The following PPP3CB variants were observed in gnomAD, a reference collection of about 807,000 sequenced individuals.
PPP3CB encodes the protein serine/threonine-protein phosphatase 2B catalytic subunit beta isoform.
Under a neutral mutation model 66.4 loss-of-function variants are expected in PPP3CB, and 8 were observed. That is an observed-to-expected ratio of 0.12 (90% CI 0.07 to 0.22). PPP3CB has a LOEUF of 0.22. Among genes scored for constraint, PPP3CB ranks in the 10% least tolerant of loss-of-function variants. The pLI is 1.00. For synonymous variants in PPP3CB, 208 were observed against 221.2 expected, an observed-to-expected ratio of 0.94 and a Z score of 0.53; for missense variants, 319 against 642.5, an observed-to-expected ratio of 0.50 and a Z score of 5.44.
At chr10:73,454,185 T>C (rs2056388768) in intron 10 of PPP3CB, among the ~76,000 whole-genome samples, 1 of 152,188 alleles carries the variant, frequency 6.6e-6, no homozygotes, top group South Asian at 2.1e-4. Flanking sequence ...TCTTCCAAAT[T>C]TCTCCTTTCC....
At chr10:73,454,934 G>A (rs538197672) in intron 9 of PPP3CB, among the ~76,000 whole-genome samples, 5 of 151,708 alleles carry the variant, frequency 3.3e-5, no homozygotes, top group African/African-American at 1.2e-4. Flanking sequence ...GTGCAGTGGC[G>A]TGATCTCGGC....
chr10:73,493,866 C>T (rs1408459478), intron 1 of PPP3CB, among the ~76,000 whole-genome samples: 1 of 152,174 alleles, frequency 6.6e-6, no homozygotes, highest in Admixed American at 6.5e-5. Context: ...TCACAACTCA[C>T]CCCTAAGGAA....
At chr10:73,448,770 A>C (rs1208083100) in intron 10 of PPP3CB, 7 of 531,580 alleles carry the variant, frequency 1.3e-5, no homozygotes, top group Admixed American at 1.9e-5. Flanking sequence ...TAGAGATTTA[A>C]CTTGGCAGTG....
Position 73,474,991 on chromosome 10 carries a change from T to C in PPP3CB, c.451A>G (p.Ser151Gly). 9 of 1,614,094 alleles carry C rather than the reference T, an allele frequency of 5.6e-6. No individual in the cohort carries two copies. The highest frequency in any genetic ancestry group is 7.6e-6 in the Non-Finnish European group (9 of 1,180,006). The change falls in exon 4 of 14, where the codon AGC (serine) becomes GGC (glycine). Residue 151 changes from serine to glycine, a missense_variant. Coordinates refer to ENST00000360663, the MANE Select transcript of PPP3CB (RefSeq NM_021132.4). ...YLWVLKILYP[S>G]TLFLLRGNHE... The stretch of plus-strand genomic sequence containing the variant: ...TTGCCTCTCAGAAGAAATAATGTGC[T>C]TGGGTATAGAATCTTCAGAACCCAT...
intron 9 of PPP3CB, 116 bp from the exon 10 acceptor site, chr10:73,454,605 T>A (rs373432316): frequency 1.2e-4 from 70 of 568,840 alleles, no homozygotes; most frequent in African/African-American, 1.2e-3. Context: ...AGCAAACACA[T>A]TCTTATACCA....
intron 1 of PPP3CB, among the ~76,000 whole-genome samples, chr10:73,490,345 T>C (rs186767334): frequency 1.2e-3 from 182 of 152,352 alleles, no homozygotes; most frequent in Non-Finnish European, 1.2e-3. Context: ...TTTTCATGAA[T>C]ATTTATTCAT....
At chr10:73,459,923 A>AT (rs1413671497) in intron 9 of PPP3CB, among the ~76,000 whole-genome samples, 2 of 152,180 alleles carry the variant, frequency 1.3e-5, no homozygotes, top group Non-Finnish European at 2.9e-5. Flanking sequence ...AAAACATGGA[A>AT]TTGTACAATT....
intron 1 of PPP3CB, among the ~76,000 whole-genome samples, chr10:73,487,564 C>CAA (rs746889105): frequency 0.015 from 994 of 65,158 alleles, 9 homozygotes; most frequent in East Asian, 0.076. Flanking sequence ...AAACCAAAAC[C>CAA]AAAAAAAAAA....
At chr10:73,439,075 C>T (rs1290754719) in intron 13 of PPP3CB, among the ~76,000 whole-genome samples, 1 of 152,150 alleles carries the variant, frequency 6.6e-6, no homozygotes, top group Non-Finnish European at 1.5e-5. Flanking sequence ...ATTGGCCATA[C>T]TGCACAGTCT....
chr10:73,446,006 C>T (rs1398641215), intron 11 of PPP3CB, among the ~76,000 whole-genome samples: 1 of 152,152 alleles, frequency 6.6e-6, no homozygotes, highest in Non-Finnish European at 1.5e-5. Context: ...CTTGGCCTCC[C>T]AAAGTGCTGG....
intron 3 of PPP3CB, among the ~76,000 whole-genome samples, chr10:73,476,260 C>T (rs1434628660): frequency 1.3e-5 from 2 of 152,146 alleles, no homozygotes; most frequent in African/African-American, 4.8e-5. Context: ...GGGAAATAAT[C>T]TGTTCTCGAT....
intron 9 of PPP3CB, chr10:73,467,284 G>GA (rs796374578): frequency 0.056 from 7,877 of 140,596 alleles, 8 homozygotes; most frequent in Middle Eastern, 0.11. Flanking sequence ...TTAAGCTAAA[G>GA]AAAAAAAAAA....
At chr10:73,457,149 G>A (rs1349190535) in intron 9 of PPP3CB, among the ~76,000 whole-genome samples, 1 of 149,616 alleles carries the variant, frequency 6.7e-6, no homozygotes, top group Non-Finnish European at 1.5e-5. Flanking sequence ...AGGCATGGAA[G>A]CATGTGCCTG....
rs2056079386 is a variant in PPP3CB at position 73,436,873 on chromosome 10, A to G, written c.*1369T>C. Reference sequence around the variant, plus strand: ...TTATAAAATACTCGAATAGTCCTGCACATGCATAATATTTCCAACTTAGAC... The same window carrying G: ...TTATAAAATACTCGAATAGTCCTGCGCATGCATAATATTTCCAACTTAGAC... On this transcript the variant is annotated 3_prime_UTR_variant, in exon 14 of 14. Transcript: ENST00000360663. The G allele has an allele frequency of 6.6e-6, 1 of 152,452 alleles. No homozygotes were observed. Among genetic ancestry groups the G allele is most frequent in the Non-Finnish European group, 1.5e-5 (1 of 68,056 alleles). 9.4% of individuals were successfully genotyped at this position (152,452 alleles called of 1,614,324 possible).
intron 1 of PPP3CB, among the ~76,000 whole-genome samples, chr10:73,480,388 C>A (rs1265834428): frequency 6.6e-6 from 1 of 151,592 alleles, no homozygotes; most frequent in Non-Finnish European, 1.5e-5. Flanking sequence ...GTTTGAGATA[C>A]AGCACTTTTT....
chr10:73,485,971 A>T, intron 1 of PPP3CB, among the ~76,000 whole-genome samples: 2 of 123,216 alleles, frequency 1.6e-5, no homozygotes. Flanking sequence ...TTTCAGATGC[A>T]GTCTTGCTCT....
At chr10:73,480,664 C>T (rs1589713118) in intron 1 of PPP3CB, among the ~76,000 whole-genome samples, 2 of 152,006 alleles carry the variant, frequency 1.3e-5, no homozygotes, top group South Asian at 4.1e-4. Flanking sequence ...AGGCTGGTGT[C>T]GAACTCCTGA....
At chr10:73,490,003 A>G (rs893931345) in intron 1 of PPP3CB, among the ~76,000 whole-genome samples, 1 of 152,138 alleles carries the variant, frequency 6.6e-6, no homozygotes, top group Non-Finnish European at 1.5e-5. Context: ...AATTCATTAC[A>G]TTATTTATTT....
intron 3 of PPP3CB, among the ~76,000 whole-genome samples, chr10:73,477,478 C>T (rs2056810057): frequency 6.6e-6 from 1 of 151,956 alleles, no homozygotes; most frequent in African/African-American, 2.4e-5. Flanking sequence ...TATTTACTGA[C>T]TTGGAAGGAT....
Sources: gnomAD v4.1 joint callset for allele counts (sites outside exome capture counted in the v4.1 genomes callset) on GRCh38, gnomAD v4.1.1 for gene constraint, MANE v1.5 for transcripts, NCBI Gene and HGNC (gene_info 2026-07-23, HGNC 2026-07-21) for gene names.